LZIC: variants seen among roughly 807,000 people sequenced by gnomAD.
The protein encoded by LZIC is leucine zipper and CTNNBIP1 domain containing.
In LZIC, 28 loss-of-function variants were observed where a neutral mutation model predicts 25.4. That is an observed-to-expected ratio of 1.10 (90% CI 0.82 to 1.51). The LOEUF is 1.51. Among genes scored for constraint, LZIC ranks in the 40% most tolerant of loss-of-function variants. The pLI is 0.00. For synonymous variants in LZIC, 65 were observed against 70.7 expected (o/e 0.92, Z 0.40); for missense variants, 170 against 211.1 (o/e 0.81, Z 1.21).
chr1:9,925,451 G>A (rs1639958471), downstream of LZIC, among the ~76,000 whole-genome samples: 1 of 152,084 alleles, frequency 6.6e-6, no homozygotes, highest in African/African-American at 2.4e-5. Context: ...ATTTTTAATT[G>A]TATTCAACTG....
chr1:9,941,779 G>A (rs1415543682), intron 2 of LZIC, among the ~76,000 whole-genome samples: 6 of 152,160 alleles, frequency 3.9e-5, no homozygotes, highest in African/African-American at 1.4e-4. Context: ...TTACAGGCGT[G>A]AGCCACCGCA....
At position 9,929,519 on chromosome 1, in the gene LZIC, C is replaced by T. The variant is rs186441781; in HGVS notation, c.*880G>A. The stretch of plus-strand genomic sequence containing the variant: ...AGAGTAGATAACAGCTGACAGTTAC[C>T]CCCCTCTGAGTGTGACAAGAGGTCA... On this transcript the variant is annotated 3_prime_UTR_variant, in exon 8 of 8. Coordinates refer to ENST00000377223, the MANE Select transcript of LZIC (RefSeq NM_032368.5). The T allele has an allele frequency of 0.015, 14,603 of 983,426 alleles. 117 individuals are homozygous for T. Among genetic ancestry groups the T allele is most frequent in the Non-Finnish European group, 0.017 (13,817 of 829,668 alleles). 60.9% of individuals were successfully genotyped at this position (983,426 alleles called of 1,614,324 possible). A position where few individuals can be genotyped will look rare whatever the true frequency, so the allele number is the denominator to read the frequency against.
downstream of LZIC, among the ~76,000 whole-genome samples, chr1:9,924,312 G>GA (rs904967460): frequency 7.9e-5 from 12 of 151,222 alleles, no homozygotes; most frequent in South Asian, 2.1e-4. Context: ...CTTATTTGGG[G>GA]AAAAAAAAGG....
chr1:9,929,522 C>A lies in LZIC; in HGVS notation c.*877G>T, dbSNP rs369066356. Reference sequence around the variant, plus strand: ...GTAGATAACAGCTGACAGTTACCCCCCTCTGAGTGTGACAAGAGGTCACGC... The same window carrying A: ...GTAGATAACAGCTGACAGTTACCCCACTCTGAGTGTGACAAGAGGTCACGC... On this transcript the variant is annotated 3_prime_UTR_variant, in exon 8 of 8. Coordinates refer to ENST00000377223, the MANE Select transcript of LZIC (RefSeq NM_032368.5). 1.5e-4 allele frequency: 147 copies of A among 985,364 alleles called. 1 individual carries two copies. In the African/African-American group the frequency reaches 2.3e-3, roughly 15 times the overall value. The allele number at this position is 985,364 out of a possible 1,614,324, so 61.0% of individuals were successfully genotyped here.
Position 9,929,446 on chromosome 1 carries a change from G to T in LZIC, c.*953C>A, listed in dbSNP as rs536129067. On this transcript the variant is annotated 3_prime_UTR_variant, in exon 8 of 8. Coordinates refer to ENST00000377223, the MANE Select transcript of LZIC (RefSeq NM_032368.5). ...CAGAGACATGTAAATACTCAGGAGAGAAATTTGCTTTTCCTCATAACTTAT... is the reference window on the plus strand; with the variant it reads ...CAGAGACATGTAAATACTCAGGAGATAAATTTGCTTTTCCTCATAACTTAT... 33 of 985,386 alleles carry T rather than the reference G, an allele frequency of 3.3e-5. No homozygotes were observed. The South Asian group carries it at 1.5e-3, about 43-fold the overall frequency. The allele number at this position is 985,386 out of a possible 1,614,324, so 61.0% of individuals were successfully genotyped here.
chr1:9,935,259 T>C (rs572223345), intron 4 of LZIC, among the ~76,000 whole-genome samples: 1 of 152,152 alleles, frequency 6.6e-6, no homozygotes, highest in East Asian at 1.9e-4. Flanking sequence ...AGAAACCCCG[T>C]CTCTACTAAA....
chr1:9,940,595 G>A (rs1640669370), intron 2 of LZIC, among the ~76,000 whole-genome samples: 2 of 152,186 alleles, frequency 1.3e-5, no homozygotes, highest in African/African-American at 2.4e-5. Context: ...TGGGGTTACA[G>A]GCGTGAGCCA....
intron 3 of LZIC, among the ~76,000 whole-genome samples, chr1:9,936,152 T>C (rs1035925408): frequency 6.8e-6 from 1 of 148,024 alleles, no homozygotes; most frequent in Non-Finnish European, 1.5e-5. Flanking sequence ...AAAGCTGCAA[T>C]GAACTGTTGT....
At chr1:9,939,022 C>T (rs1640575218) in intron 2 of LZIC, among the ~76,000 whole-genome samples, 1 of 152,008 alleles carries the variant, frequency 6.6e-6, no homozygotes, top group African/African-American at 2.4e-5. Flanking sequence ...AAAAGACTGA[C>T]TAGTAAAGGG....
At chr1:9,931,227 TAG>T in intron 7 of LZIC, among the ~76,000 whole-genome samples, 1 of 149,186 alleles carries the variant, frequency 6.7e-6, no homozygotes, top group Non-Finnish European at 1.5e-5. Flanking sequence ...CCACCACACC[TAG>T]CTAATTTTTT....
Position 9,942,637 on chromosome 1 carries a change from C to T in LZIC, c.-22G>A, listed in dbSNP as rs1390241310. The T allele has an allele frequency of 3.1e-6, 4 of 1,286,846 alleles. No individual in the cohort carries two copies. Among genetic ancestry groups the T allele is most frequent in the Non-Finnish European group, 4.1e-6 (4 of 986,832 alleles). 79.7% of individuals were successfully genotyped at this position (1,286,846 alleles called of 1,614,324 possible). On this transcript the variant is annotated 5_prime_UTR_variant, in exon 2 of 8. Coordinates refer to ENST00000377223, the MANE Select transcript of LZIC (RefSeq NM_032368.5). ...ATTCATGCTCACCTGTCTCTTAGTA[C>T]TCTGATCTCTGCACAGTGCCGACCG... is the stretch of plus-strand genomic sequence containing the variant.
At chr1:9,932,960 T>G in intron 5 of LZIC, 62 bp from the exon 6 acceptor site, 1 of 1,178,240 alleles carries the variant, frequency 8.5e-7, no homozygotes, top group Non-Finnish European at 1.3e-6. Flanking sequence ...ATACAAAATA[T>G]AGCTTTTCAG....
At chr1:9,933,281 A>AT (rs1557438351) in intron 5 of LZIC, among the ~76,000 whole-genome samples, 1 of 84,360 alleles carries the variant, frequency 1.2e-5, no homozygotes. Context: ...AAAAAAAAAA[A>AT]AAATATATAT....
At chr1:9,933,208 T>G (rs940757530) in intron 5 of LZIC, among the ~76,000 whole-genome samples, 1 of 122,644 alleles carries the variant, frequency 8.2e-6, no homozygotes, top group Non-Finnish European at 1.6e-5. Flanking sequence ...TGAGCCGAGA[T>G]AGCGCCACTG....
At chr1:9,925,254 G>A (rs1356451910), downstream of LZIC, among the ~76,000 whole-genome samples, 2 of 151,828 alleles carry the variant, frequency 1.3e-5, no homozygotes, top group Non-Finnish European at 2.9e-5. Flanking sequence ...TGAACCCTGC[G>A]GCAAGCCGAG....
chr1:9,931,513 C>T (rs1482882986), intron 7 of LZIC, among the ~76,000 whole-genome samples: 3 of 152,136 alleles, frequency 2.0e-5, no homozygotes, highest in Non-Finnish European at 2.9e-5. Flanking sequence ...CTGCCCGCCT[C>T]GGCCTCACAA....
At chr1:9,943,103 A>G (rs1640845388) in intron 1 of LZIC, 146 bp downstream of exon 1, 1 of 185,256 alleles carries the variant, frequency 5.4e-6, no homozygotes, top group African/African-American at 2.3e-5. Context: ...GTGAAGAATC[A>G]GCTCCGGCCA....
In LZIC at chr1:9,926,891, T is replaced by C. The variant is rs1640002982; in HGVS notation, c.*3508A>G. Among the ~76,000 whole-genome samples, 1 of 152,230 alleles carries C rather than the reference T, an allele frequency of 6.6e-6. No homozygotes were observed. The highest frequency in any genetic ancestry group is 6.5e-5 in the Admixed American group (1 of 15,278). On this transcript the variant is annotated 3_prime_UTR_variant, in exon 8 of 8. Transcript: ENST00000377223. ...TTAATAACTATAATTGCATAGAATTTACTCACTTTTCAAATACTTATTCTG... is the reference window on the plus strand; with the variant it reads ...TTAATAACTATAATTGCATAGAATTCACTCACTTTTCAAATACTTATTCTG...
In LZIC at chr1:9,930,306, A is replaced by G. The variant is rs1446113901; in HGVS notation, c.*93T>C. 1 of 1,563,562 alleles carries G rather than the reference A, an allele frequency of 6.4e-7. No individual in the cohort carries two copies. Among genetic ancestry groups the G allele is most frequent in the Non-Finnish European group, 8.6e-7 (1 of 1,158,246 alleles). ...CTTAGGTTATTGATGCATTTCCAGA[A>G]TCTCTTCATTTCTTTGCAATAACTG... On this transcript the variant is annotated 3_prime_UTR_variant, in exon 8 of 8. Coordinates refer to ENST00000377223, the MANE Select transcript of LZIC (RefSeq NM_032368.5).
Sources: allele counts gnomAD v4.1 joint callset (sites outside exome capture counted in the v4.1 genomes callset), GRCh38; gene constraint gnomAD v4.1.1; transcripts MANE v1.5; gene names NCBI Gene and HGNC (gene_info 2026-07-23, HGNC 2026-07-21).